INSYN2A: variants seen among roughly 807,000 people sequenced by gnomAD.
INSYN2A encodes the protein inhibitory synaptic factor 2A, also known as family with sequence similarity 196 member A.
Under a neutral mutation model 39.4 loss-of-function variants are expected in INSYN2A, and 17 were observed. The ratio of observed to expected loss-of-function variants is 0.43; its 90% CI spans 0.30 to 0.65. The LOEUF is 0.65. INSYN2A is among the 30% of genes least tolerant of loss of function. INSYN2A has a pLI of 0.14. For synonymous variants in INSYN2A, 255 were observed against 265.7 expected (o/e 0.96, Z 0.39); for missense variants, 595 against 631.2 (o/e 0.94, Z 0.61).
At chr10:127,163,080 G>C (rs2053731765) in intron 4 of INSYN2A, among the ~76,000 whole-genome samples, 1 of 152,208 alleles carries the variant, frequency 6.6e-6, no homozygotes, top group African/African-American at 2.4e-5. Context: ...AGCACTCCCA[G>C]CACCTTGTTT....
chr10:127,141,889 G>A (rs1159662953), intron 5 of INSYN2A, among the ~76,000 whole-genome samples: 6 of 152,188 alleles, frequency 3.9e-5, no homozygotes, highest in South Asian at 2.1e-4. Flanking sequence ...AGAACTTATC[G>A]AAGATCCTGA....
Position 127,144,545 on chromosome 10 carries a change from C to T in INSYN2A, c.1257-6525G>A, listed in dbSNP as rs188243236. Among the ~76,000 whole-genome samples, 296 of 152,272 alleles carry T rather than the reference C, an allele frequency of 1.9e-3. 3 individuals carry two copies. Among genetic ancestry groups the T allele is most frequent in the Middle Eastern group, 6.8e-3 (2 of 294 alleles). On this transcript the variant is annotated intron_variant, in intron 5 of 5. Coordinates refer to ENST00000522781, the MANE Select transcript of INSYN2A (RefSeq NM_001039762.3). Reference sequence around the variant, plus strand: ...TAAACTGATGAACTGAACCAAATCCCCTCACTTCTAATCTCAGCAAAGTGC... The same window carrying T: ...TAAACTGATGAACTGAACCAAATCCTCTCACTTCTAATCTCAGCAAAGTGC...
intron 4 of INSYN2A, among the ~76,000 whole-genome samples, chr10:127,174,654 G>A (rs543374591): frequency 6.6e-6 from 1 of 152,332 alleles, no homozygotes; most frequent in Admixed American, 6.5e-5. Context: ...AATGCCCATT[G>A]CTTCTTTGGG....
intron 4 of INSYN2A, among the ~76,000 whole-genome samples, chr10:127,168,361 G>C (rs1237266347): frequency 2.6e-5 from 4 of 152,188 alleles, no homozygotes; most frequent in Non-Finnish European, 5.9e-5. Flanking sequence ...ATTCAAATAG[G>C]GAGTGCTAAG....
At chr10:127,165,962 C>G (rs1173118050) in intron 4 of INSYN2A, among the ~76,000 whole-genome samples, 1 of 152,182 alleles carries the variant, frequency 6.6e-6, no homozygotes, top group Non-Finnish European at 1.5e-5. Context: ...CCCTACCAGG[C>G]CTGGGAGGGT....
rs2054994149 is a variant in INSYN2A at position 127,175,398 on chromosome 10, T to A, written c.998A>T (p.Asn333Ile). 1 of 1,613,754 alleles carries A rather than the reference T, an allele frequency of 6.2e-7. No homozygotes were observed. The highest frequency in any genetic ancestry group is 8.5e-7 in the Non-Finnish European group (1 of 1,180,032). The change falls in exon 4 of 6, where the codon AAC becomes ATC. Residue 333 changes from asparagine to isoleucine, a missense_variant. Physicochemically the swap from Asn to Ile is moderately radical, Grantham distance 149. Transcript: ENST00000522781. The surrounding 1 kb of genome is among the most constrained non-coding windows in gnomAD (Gnocchi z 6.3). ...AGCAACCGCTGTGGGACTAGGCTGGTTCCCCAGCCCCGGCGGGGTGTGAGT... is the reference window on the plus strand; with the variant it reads ...AGCAACCGCTGTGGGACTAGGCTGGATCCCCAGCCCCGGCGGGGTGTGAGT... ...SQTHTPPGLGNQPSPTAVAAG... is the reference protein window; with the variant it reads ...SQTHTPPGLGIQPSPTAVAAG...
intron 5 of INSYN2A, chr10:127,146,198 C>T (rs1308722921): frequency 3.2e-6 from 1 of 310,498 alleles, no homozygotes; most frequent in Non-Finnish European, 6.3e-6. Flanking sequence ...TAACTTTGAC[C>T]TTGGGGTATA....
chr10:127,165,691 G>A (rs1185051332), intron 4 of INSYN2A, among the ~76,000 whole-genome samples: 1 of 152,136 alleles, frequency 6.6e-6, no homozygotes, highest in Non-Finnish European at 1.5e-5. Flanking sequence ...TCCTCTGAAG[G>A]ACCACTGATA....
intron 4 of INSYN2A, among the ~76,000 whole-genome samples, chr10:127,163,935 G>T (rs1293757214): frequency 6.6e-6 from 1 of 151,392 alleles, no homozygotes; most frequent in East Asian, 2.0e-4. Context: ...CTCCCCAGAT[G>T]TGGTGACACT....
At chr10:127,139,655 G>T (rs1019707899) in intron 5 of INSYN2A, among the ~76,000 whole-genome samples, 5 of 152,198 alleles carry the variant, frequency 3.3e-5, no homozygotes, top group African/African-American at 1.2e-4. Context: ...GTGATGTGGT[G>T]CACTAGAAGG....
chr10:127,168,642 G>T (rs1200363716), intron 4 of INSYN2A, among the ~76,000 whole-genome samples: 1 of 152,178 alleles, frequency 6.6e-6, no homozygotes, highest in Non-Finnish European at 1.5e-5. Flanking sequence ...CTATTAAGTG[G>T]GTAGGTTTTG....
At position 127,136,316 on chromosome 10, in the gene INSYN2A, A is replaced by G. The variant is rs764348262; in HGVS notation, c.*1521T>C. 1 of 152,202 alleles carries G rather than the reference A, an allele frequency of 6.6e-6. No individual in the cohort carries two copies. Among genetic ancestry groups the G allele is most frequent in the Non-Finnish European group, 1.5e-5 (1 of 68,040 alleles). 9.4% of individuals were successfully genotyped at this position (152,202 alleles called of 1,614,324 possible). On this transcript the variant is annotated 3_prime_UTR_variant, in exon 6 of 6. Coordinates refer to ENST00000522781, the MANE Select transcript of INSYN2A (RefSeq NM_001039762.3). ...TGGCAAGAAGCAGCTCCAATCTGAC[A>G]AAAGCAGGTGAGATCCTTTTACCAA...
chr10:127,160,887 G>A (rs193182281), intron 4 of INSYN2A, among the ~76,000 whole-genome samples: 1 of 152,294 alleles, frequency 6.6e-6, no homozygotes, highest in East Asian at 1.9e-4. Context: ...TGCACTAGCT[G>A]TCTCTTCTCG....
intron 4 of INSYN2A, among the ~76,000 whole-genome samples, chr10:127,172,095 T>C (rs1305573408): frequency 2.6e-5 from 4 of 152,194 alleles, no homozygotes; most frequent in African/African-American, 4.8e-5. Context: ...TTTCCTGTTT[T>C]CTTTTTTTGT....
intron 5 of INSYN2A, chr10:127,145,879 TC>T (rs1375708857): frequency 4.8e-6 from 2 of 415,750 alleles, no homozygotes; most frequent in East Asian, 1.4e-4. Context: ...TCATCTGGTG[TC>T]ACCAGTGACC....
intron 2 of INSYN2A, among the ~76,000 whole-genome samples, chr10:127,185,340 A>G (rs568958806): frequency 6.6e-6 from 1 of 152,252 alleles, no homozygotes; most frequent in East Asian, 1.9e-4. Flanking sequence ...CATCCTGGCC[A>G]ACATGGTGAA....
At chr10:127,179,396 A>G (rs903736260) in intron 2 of INSYN2A, among the ~76,000 whole-genome samples, 1 of 152,222 alleles carries the variant, frequency 6.6e-6, no homozygotes, top group East Asian at 1.9e-4. Flanking sequence ...AATACTTAGG[A>G]TTTTTAATCA....
At chr10:127,159,166 A>G (rs1488419085) in intron 4 of INSYN2A, among the ~76,000 whole-genome samples, 1 of 152,192 alleles carries the variant, frequency 6.6e-6, no homozygotes, top group Non-Finnish European at 1.5e-5. Context: ...CCAATTCTAC[A>G]AGGTGGTTTT....
intron 4 of INSYN2A, among the ~76,000 whole-genome samples, chr10:127,168,783 C>T (rs1046641597): frequency 6.6e-6 from 1 of 152,196 alleles, no homozygotes; most frequent in Admixed American, 6.5e-5. Flanking sequence ...GACTCTAAGC[C>T]CACACCTTCG....
Sources: allele counts gnomAD v4.1 joint callset (sites outside exome capture counted in the v4.1 genomes callset), GRCh38; gene constraint gnomAD v4.1.1; non-coding constraint Gnocchi (gnomAD v3.1); transcripts MANE v1.5; gene names NCBI Gene and HGNC (gene_info 2026-07-23, HGNC 2026-07-21).